CFAP251: variants seen among roughly 807,000 people sequenced by gnomAD.
CFAP251 encodes the protein cilia- and flagella-associated protein 251.
A neutral mutation model predicts 126.7 loss-of-function variants in CFAP251; 93 were observed. The observed-to-expected ratio is 0.73, with a 90% CI of 0.62 to 0.87. The LOEUF is 0.87. CFAP251 is among the 40% of genes least tolerant of loss of function. CFAP251 has a pLI of 0.00. For missense variants in CFAP251, 1,287 were observed against 1,389.2 expected, an observed-to-expected ratio of 0.93 and a Z score of 1.17; for synonymous variants, 503 against 506.9, an observed-to-expected ratio of 0.99 and a Z score of 0.10.
chr12:121,946,766 A>G (rs913357781), intron 7 of CFAP251, among the ~76,000 whole-genome samples: 2 of 149,838 alleles, frequency 1.3e-5, no homozygotes, highest in Non-Finnish European at 3.0e-5. Flanking sequence ...TTTTTTAGAG[A>G]TGGGGTCTCG....
chr12:121,919,314 G>C (rs1880060835), intron 1 of CFAP251, among the ~76,000 whole-genome samples: 1 of 151,664 alleles, frequency 6.6e-6, no homozygotes, highest in Non-Finnish European at 1.5e-5. Flanking sequence ...TTTGTTCGGG[G>C]TCCAACTCTT....
intron 3 of CFAP251, 76 bp from the exon 4 acceptor site, chr12:121,931,670 T>C: frequency 7.3e-7 from 1 of 1,361,434 alleles, no homozygotes; most frequent in South Asian, 2.1e-5. Flanking sequence ...ATCCTTCCCC[T>C]CCGGCGAGTT....
At chr12:121,935,394 G>A (rs1260091454) in intron 5 of CFAP251, among the ~76,000 whole-genome samples, 1 of 152,186 alleles carries the variant, frequency 6.6e-6, no homozygotes, top group Non-Finnish European at 1.5e-5. Flanking sequence ...TCTTACATTA[G>A]TAGGATCAAT....
At chr12:121,937,721 C>G (rs184799407) in intron 5 of CFAP251, among the ~76,000 whole-genome samples, 2 of 152,262 alleles carry the variant, frequency 1.3e-5, no homozygotes, top group African/African-American at 4.8e-5. Flanking sequence ...GAGTGGGGGA[C>G]ACAGGAACTG....
In CFAP251 at chr12:121,999,841, C is replaced by G. The variant is rs1883107652; in HGVS notation, c.3132C>G (p.Thr1044=). Residue 1044 remains threonine (T), a synonymous_variant, in exon 20 of 22, where the codon ACC becomes ACG. Transcript: ENST00000288912. ...YLNHKPPFGN[T]MSGIHKSFEV... ...ACCACAAGCCACCTTTTGGTAACACCATGAGTGGCATCCACAAGAGCTTTG... is the reference window on the plus strand; with the variant it reads ...ACCACAAGCCACCTTTTGGTAACACGATGAGTGGCATCCACAAGAGCTTTG... The G allele has an allele frequency of 6.2e-7, 1 of 1,614,034 alleles. No individual in the cohort carries two copies. The highest frequency in any genetic ancestry group is 8.5e-7 in the Non-Finnish European group (1 of 1,180,022).
intron 10 of CFAP251, among the ~76,000 whole-genome samples, chr12:121,956,339 T>C (rs1385179440): frequency 6.6e-6 from 1 of 152,134 alleles, no homozygotes; most frequent in Admixed American, 6.5e-5. Flanking sequence ...TGGCTGATCT[T>C]GGAGGGCAGG....
chr12:121,951,620 A>G, intron 9 of CFAP251, 90 bp downstream of exon 9: 3 of 933,308 alleles, frequency 3.2e-6, no homozygotes, highest in Non-Finnish European at 5.0e-6. Flanking sequence ...TACTCTTTGT[A>G]CATCTTGATA....
At chr12:121,997,319 G>C (rs1329258295) in intron 19 of CFAP251, 3 of 151,704 alleles carry the variant, frequency 2.0e-5, no homozygotes, top group African/African-American at 7.3e-5. Context: ...TCTAGTTCCT[G>C]GGTTCAAGCA....
At chr12:121,928,903 C>T (rs763895158) in intron 3 of CFAP251, among the ~76,000 whole-genome samples, 8 of 151,532 alleles carry the variant, frequency 5.3e-5, no homozygotes, top group Non-Finnish European at 4.4e-5. Flanking sequence ...CACTATGTTG[C>T]CCAGGCTGGT....
At chr12:121,963,973 G>A (rs1052312336) in intron 15 of CFAP251, among the ~76,000 whole-genome samples, 5 of 151,968 alleles carry the variant, frequency 3.3e-5, no homozygotes, top group African/African-American at 7.2e-5. Flanking sequence ...GGAGAAGTTC[G>A]AAGGGAGAAT....
intron 3 of CFAP251, among the ~76,000 whole-genome samples, chr12:121,929,919 C>T (rs1187573899): frequency 6.6e-6 from 1 of 152,166 alleles, no homozygotes; most frequent in Non-Finnish European, 1.5e-5. Context: ...CTGAGATGAT[C>T]CACCCGCCTC....
chr12:121,919,314 G>T (rs1880060835), intron 1 of CFAP251, among the ~76,000 whole-genome samples: 1 of 151,664 alleles, frequency 6.6e-6, no homozygotes, highest in South Asian at 2.1e-4. Flanking sequence ...TTTGTTCGGG[G>T]TCCAACTCTT....
intron 5 of CFAP251, among the ~76,000 whole-genome samples, chr12:121,937,001 G>A (rs192536378): frequency 6.6e-6 from 1 of 152,246 alleles, no homozygotes; most frequent in Non-Finnish European, 1.5e-5. Context: ...GTGGTCTGCT[G>A]TGTGACTTGG....
intron 10 of CFAP251, chr12:121,955,559 A>G (rs539641239): frequency 1.4e-3 from 220 of 152,308 alleles, no homozygotes; most frequent in African/African-American, 5.1e-3. Context: ...AATGGTGGCC[A>G]TCGTCAGTGT....
chr12:121,990,379 C>T (rs902246028), intron 19 of CFAP251, among the ~76,000 whole-genome samples: 4 of 152,220 alleles, frequency 2.6e-5, no homozygotes, highest in African/African-American at 9.6e-5. Flanking sequence ...GTGAGATCCC[C>T]ATGGGCCCCG....
chr12:121,981,730 C>T (rs1338604476), intron 19 of CFAP251, among the ~76,000 whole-genome samples: 2 of 152,146 alleles, frequency 1.3e-5, no homozygotes, highest in African/African-American at 2.4e-5. Flanking sequence ...AGGAGTATTC[C>T]GGCAGCTCTC....
chr12:121,925,770 T>A (rs571024722), intron 3 of CFAP251, among the ~76,000 whole-genome samples: 40 of 152,360 alleles, frequency 2.6e-4, no homozygotes, highest in Middle Eastern at 6.8e-3. Flanking sequence ...TTAGCCTTGG[T>A]CTCACTGCGG....
intron 2 of CFAP251, among the ~76,000 whole-genome samples, chr12:121,921,979 G>C (rs1880200097): frequency 6.6e-6 from 1 of 151,804 alleles, no homozygotes; most frequent in African/African-American, 2.4e-5. Flanking sequence ...AGTAGAGATG[G>C]GGTTTCGGTC....
Position 121,923,676 on chromosome 12 carries a change from A to G in CFAP251, c.433A>G (p.Thr145Ala). 6.2e-7 allele frequency: 1 copy of G among 1,614,118 alleles called. No individual in the cohort carries two copies. ...KLSLQLEDAETDELLRDLSTQ... is the reference protein window; with the variant it reads ...KLSLQLEDAEADELLRDLSTQ... ...TTCCTTACAATTGGAGGATGCAGAA[A>G]CAGATGAGCTTTTAAGAGACCTGAG... Residue 145 changes from threonine (T) to alanine (A), a missense_variant, in exon 3 of 22, where the codon ACA becomes GCA. By Grantham distance (58) the Thr-to-Ala change is moderately conservative. Coordinates refer to ENST00000288912, the MANE Select transcript of CFAP251 (RefSeq NM_144668.6).
Sources: allele counts gnomAD v4.1 joint callset (sites outside exome capture counted in the v4.1 genomes callset), GRCh38; gene constraint gnomAD v4.1.1; transcripts MANE v1.5; gene names NCBI Gene and HGNC (gene_info 2026-07-23, HGNC 2026-07-21).